Variants in ARL8B observed in about 807,000 individuals in gnomAD.
ARL8B encodes the protein ADP-ribosylation factor-like protein 8B.
ARL8B carries 9 observed loss-of-function variants against 30.6 expected under a neutral mutation model. The observed-to-expected ratio is 0.29, with a 90% CI of 0.18 to 0.51. ARL8B has a LOEUF of 0.51. Among genes scored for constraint, ARL8B ranks in the 20% least tolerant of loss-of-function variants. ARL8B has a pLI of 0.97. For synonymous variants in ARL8B, 74 were observed against 76.0 expected (o/e 0.97, Z 0.14); for missense variants, 130 against 227.2 (o/e 0.57, Z 2.75).
chr3:5,154,962 T>C (rs967214159), intron 1 of ARL8B, among the ~76,000 whole-genome samples: 11 of 152,184 alleles, frequency 7.2e-5, no homozygotes, highest in African/African-American at 2.4e-4. Flanking sequence ...CTCGAACTCC[T>C]GACCTCAAGT....
chr3:5,152,110 A>C (rs1322568224), intron 1 of ARL8B, among the ~76,000 whole-genome samples: 2 of 152,200 alleles, frequency 1.3e-5, no homozygotes, highest in Non-Finnish European at 2.9e-5. Flanking sequence ...TGTAACTGTG[A>C]GGTAGATCCA....
chr3:5,169,566 TC>T (rs144394825), intron 1 of ARL8B, among the ~76,000 whole-genome samples: 45,987 of 148,694 alleles, frequency 0.31, 8,665 homozygotes, highest in African/African-American at 0.54. Flanking sequence ...CTGTTTTTTT[TC>T]TTTTCCTCTT....
At chr3:5,126,156 C>G (rs1479513097) in intron 1 of ARL8B, among the ~76,000 whole-genome samples, 1 of 151,366 alleles carries the variant, frequency 6.6e-6, no homozygotes, top group Admixed American at 6.6e-5. Flanking sequence ...AACCTAACCC[C>G]TGATTCTTAT....
intron 1 of ARL8B, among the ~76,000 whole-genome samples, chr3:5,151,900 A>C (rs544072237): frequency 1.3e-5 from 2 of 151,928 alleles, no homozygotes; most frequent in Admixed American, 6.5e-5. Context: ...AATTTTTATA[A>C]TTTTTTTGTA....
chr3:5,169,220 A>T (rs1363070282), intron 1 of ARL8B, among the ~76,000 whole-genome samples: 3 of 151,988 alleles, frequency 2.0e-5, no homozygotes, highest in Admixed American at 2.0e-4. Context: ...TTCAAACTGA[A>T]ACTCCATACC....
chr3:5,122,449 C>A lies in ARL8B; in HGVS notation c.-17C>A. 6.2e-7 allele frequency: 1 copy of A among 1,612,134 alleles called. No homozygotes were observed. The highest frequency in any genetic ancestry group is 8.5e-7 in the Non-Finnish European group (1 of 1,179,486). On this transcript the variant is annotated 5_prime_UTR_variant, in exon 1 of 7. Transcript: ENST00000256496. ...GCTCGTCCGTCCTCCCGTCCGTTCT[C>A]GCTCCCGGCCGCCATCATGCTGGCG...
At chr3:5,141,749 C>T (rs946907786) in intron 1 of ARL8B, among the ~76,000 whole-genome samples, 1 of 152,186 alleles carries the variant, frequency 6.6e-6, no homozygotes, top group South Asian at 2.1e-4. Context: ...ACACTTACAC[C>T]CCCTTTTTCT....
At chr3:5,142,067 G>C (rs906939943) in intron 1 of ARL8B, among the ~76,000 whole-genome samples, 4 of 152,116 alleles carry the variant, frequency 2.6e-5, no homozygotes, top group African/African-American at 9.7e-5. Flanking sequence ...GGCCGTGTGT[G>C]TTTTCAGGTA....
At chr3:5,178,353 T>TC (rs902057655) in intron 6 of ARL8B, among the ~76,000 whole-genome samples, 3 of 147,830 alleles carry the variant, frequency 2.0e-5, no homozygotes, top group Non-Finnish European at 3.0e-5. Flanking sequence ...GTTATTCCTT[T>TC]TTTTTTTTTT....
At chr3:5,132,612 C>G (rs559541729) in intron 1 of ARL8B, among the ~76,000 whole-genome samples, 1 of 152,254 alleles carries the variant, frequency 6.6e-6, no homozygotes, top group South Asian at 2.1e-4. Flanking sequence ...TTCACAGAGC[C>G]AAGACTTTAT....
chr3:5,180,169 T>C lies in ARL8B; in HGVS notation c.*1456T>C, dbSNP rs2054766280. The C allele has an allele frequency of 6.5e-6, 1 of 152,672 alleles. No individual in the cohort carries two copies. The highest frequency in any genetic ancestry group is 2.4e-5 in the African/African-American group (1 of 41,456). 9.5% of individuals were successfully genotyped at this position (152,672 alleles called of 1,614,324 possible). On this transcript the variant is annotated 3_prime_UTR_variant, in exon 7 of 7. Transcript: ENST00000256496. ...AGAGTGTAGTCAACAGTAAGTTCTT[T>C]TAATGAATATCAGTTTTAATTTATA...
At chr3:5,169,340 T>TGTGA (rs985194375) in intron 1 of ARL8B, among the ~76,000 whole-genome samples, 2 of 149,906 alleles carry the variant, frequency 1.3e-5, no homozygotes, top group Admixed American at 1.3e-4. Context: ...TGTGTGTGTG[T>TGTGA]GTGAGTGTGT....
intron 1 of ARL8B, among the ~76,000 whole-genome samples, chr3:5,157,492 A>C (rs2054543509): frequency 6.6e-6 from 1 of 152,026 alleles, no homozygotes; most frequent in Non-Finnish European, 1.5e-5. Flanking sequence ...AACAAAACAA[A>C]AAAACCCCCA....
chr3:5,170,428 C>T lies in ARL8B; in HGVS notation c.124-75C>T, dbSNP rs2054662336. The T allele has an allele frequency of 3.2e-6, 3 of 924,074 alleles. 1 individual carries two copies. The allele number at this position is 924,074 out of a possible 1,614,324, so 57.2% of individuals were successfully genotyped here. ...ATATTTACTAAAATGGTTACAAATG[C>T]AATGTTGATATTAGAAGTTTATGCA... On this transcript the variant is annotated intron_variant, in intron 1 of 6. Coordinates refer to ENST00000256496, the MANE Select transcript of ARL8B (RefSeq NM_018184.3).
chr3:5,143,854 C>G (rs1008680741), intron 1 of ARL8B, among the ~76,000 whole-genome samples: 11 of 152,198 alleles, frequency 7.2e-5, no homozygotes, highest in South Asian at 2.1e-4. Context: ...GTAGGAAGAT[C>G]TGTAGCTCTG....
At chr3:5,125,805 T>G (rs2054225819) in intron 1 of ARL8B, among the ~76,000 whole-genome samples, 1 of 152,218 alleles carries the variant, frequency 6.6e-6, no homozygotes, top group South Asian at 2.1e-4. Flanking sequence ...AATGCTGGGA[T>G]TACAGGCGTG....
At chr3:5,170,738 G>GTTTT in intron 2 of ARL8B, 155 bp downstream of exon 2, 1 of 494,078 alleles carries the variant, frequency 2.0e-6, no homozygotes, top group Non-Finnish European at 3.5e-6. Context: ...TTGTTTTTTT[G>GTTTT]TTTTTTTTTT....
intron 1 of ARL8B, among the ~76,000 whole-genome samples, chr3:5,161,804 T>C (rs998387518): frequency 6.6e-6 from 1 of 152,224 alleles, no homozygotes; most frequent in Non-Finnish European, 1.5e-5. Flanking sequence ...CTTAGGGGCT[T>C]AAATGTCACT....
chr3:5,171,198 T>A (rs1038280109), intron 2 of ARL8B, among the ~76,000 whole-genome samples: 7 of 152,336 alleles, frequency 4.6e-5, no homozygotes, highest in Middle Eastern at 3.4e-3. Context: ...TTATGCTTGT[T>A]ACCAGTGCTT....
Sources: allele counts gnomAD v4.1 joint callset (sites outside exome capture counted in the v4.1 genomes callset), GRCh38; gene constraint gnomAD v4.1.1; transcripts MANE v1.5; gene names NCBI Gene and HGNC (gene_info 2026-07-23, HGNC 2026-07-21).